KIAA1217: variants seen among roughly 807,000 people sequenced by gnomAD.
The protein encoded by KIAA1217 is sickle tail protein homolog.
KIAA1217 carries 88 observed loss-of-function variants against 163.9 expected under a neutral mutation model. That is an observed-to-expected ratio of 0.54 (90% CI 0.45 to 0.64). The LOEUF (loss-of-function observed/expected upper bound fraction) is 0.64, where lower values mean the gene tolerates loss of function less well. Among genes scored for constraint, KIAA1217 ranks in the 30% least tolerant of loss-of-function variants. KIAA1217 has a pLI of 0.00. For synonymous variants in KIAA1217, 903 were observed against 923.1 expected (o/e 0.98, Z 0.39); for missense variants, 2,372 against 2,475.0 (o/e 0.96, Z 0.88).
At chr10:23,708,990 A>T (rs1837062239) in intron 1 of KIAA1217, among the ~76,000 whole-genome samples, 1 of 152,152 alleles carries the variant, frequency 6.6e-6, no homozygotes, top group East Asian at 1.9e-4. Context: ...GGCTATGCCT[A>T]GGCTGGAGAA....
intron 1 of KIAA1217, among the ~76,000 whole-genome samples, chr10:23,738,030 T>C (rs980092926): frequency 6.6e-6 from 1 of 152,152 alleles, no homozygotes; most frequent in Non-Finnish European, 1.5e-5. Flanking sequence ...CACGTAGATA[T>C]ATATATAAAA....
chr10:24,330,797 T>C (rs1414877897), intron 2 of KIAA1217, among the ~76,000 whole-genome samples: 2 of 151,782 alleles, frequency 1.3e-5, no homozygotes, highest in East Asian at 3.9e-4. Flanking sequence ...TAATTTTTTG[T>C]AGAGATGGGT....
intron 2 of KIAA1217, among the ~76,000 whole-genome samples, chr10:24,127,110 C>T (rs1218004196): frequency 6.6e-6 from 1 of 152,092 alleles, no homozygotes; most frequent in Non-Finnish European, 1.5e-5. Flanking sequence ...CTACTTTGAC[C>T]TTTTGACCTA....
chr10:24,262,898 C>T (rs2075861082), intron 2 of KIAA1217, among the ~76,000 whole-genome samples: 1 of 150,316 alleles, frequency 6.7e-6, no homozygotes, highest in Non-Finnish European at 1.5e-5. Flanking sequence ...TGCAGTGAGC[C>T]AGTATCGCAC....
chr10:23,790,394 TATATACATATATAC>T lies in KIAA1217; in HGVS notation c.-321+95180_-321+95193del, dbSNP rs1379128328. On this transcript the variant is annotated intron_variant, in intron 1 of 18. Coordinates refer to the KIAA1217 transcript ENST00000376462. Reference sequence around the variant, plus strand: ...ATACATATGTATATATACATATGTATATATACATATATACATATACATATATACATATATACATA... The same window carrying T: ...ATACATATGTATATATACATATGTATATATACATATATACATATATACATA... Among the ~76,000 whole-genome samples, 13 of 102,364 alleles carry T rather than the reference TATATACATATATAC, an allele frequency of 1.3e-4. 2 individuals are homozygous for T. Among genetic ancestry groups the T allele is most frequent in the East Asian group, 6.1e-4 (2 of 3,272 alleles). The allele number at this position is 102,364 out of a possible 152,430, so 67.2% of individuals were successfully genotyped here. A position where few individuals can be genotyped will look rare whatever the true frequency, so the allele number is the denominator to read the frequency against.
chr10:24,384,392 C>T (rs1245611249), intron 3 of KIAA1217, among the ~76,000 whole-genome samples: 1 of 152,054 alleles, frequency 6.6e-6, no homozygotes, highest in Non-Finnish European at 1.5e-5. Flanking sequence ...CATGAACAGC[C>T]TCCCCCATGA....
chr10:24,108,246 G>A (rs1035563678), intron 2 of KIAA1217, among the ~76,000 whole-genome samples: 3 of 152,184 alleles, frequency 2.0e-5, no homozygotes, highest in African/African-American at 7.2e-5. Context: ...CTGAGGCAGA[G>A]GCAGAAACTC....
intron 1 of KIAA1217, among the ~76,000 whole-genome samples, chr10:23,948,600 G>T (rs977093921): frequency 1.3e-5 from 2 of 152,226 alleles, no homozygotes; most frequent in South Asian, 4.1e-4. Context: ...CTTATCTGCT[G>T]TGTATTCATT....
chr10:23,955,709 G>A (rs1844531631), intron 1 of KIAA1217, among the ~76,000 whole-genome samples: 1 of 152,134 alleles, frequency 6.6e-6, no homozygotes, highest in Non-Finnish European at 1.5e-5. Context: ...TAATTGCTTG[G>A]AGATTTTATC....
intron 2 of KIAA1217, among the ~76,000 whole-genome samples, chr10:24,032,544 G>T (rs1285703218): frequency 6.6e-6 from 1 of 152,088 alleles, no homozygotes; most frequent in Non-Finnish European, 1.5e-5. Context: ...GCCTCTTCAT[G>T]AGTTTTGTCT....
intron 1 of KIAA1217, among the ~76,000 whole-genome samples, chr10:23,832,213 T>A (rs1218045862): frequency 6.6e-6 from 1 of 152,194 alleles, no homozygotes; most frequent in Non-Finnish European, 1.5e-5. Flanking sequence ...TCCTTGGGTT[T>A]GATTAATTTC....
chr10:24,318,999 G>C (rs2043771138), intron 2 of KIAA1217, among the ~76,000 whole-genome samples: 1 of 152,222 alleles, frequency 6.6e-6, no homozygotes, highest in South Asian at 2.1e-4. Context: ...GTAGTCATGG[G>C]AGTGGATGAG....
chr10:24,149,686 C>T (rs927098517), intron 2 of KIAA1217, among the ~76,000 whole-genome samples: 1 of 151,912 alleles, frequency 6.6e-6, no homozygotes, highest in Non-Finnish European at 1.5e-5. Context: ...AGATCTAGTA[C>T]TCAATAGTAC....
At chr10:24,061,005 T>A (rs1183667903) in intron 2 of KIAA1217, among the ~76,000 whole-genome samples, 1 of 152,216 alleles carries the variant, frequency 6.6e-6, no homozygotes, top group African/African-American at 2.4e-5. Flanking sequence ...TTCTGTCTGG[T>A]TGTTCTATTA....
At chr10:24,364,742 T>TTGCC (rs1214029487) in intron 2 of KIAA1217, among the ~76,000 whole-genome samples, 1 of 152,128 alleles carries the variant, frequency 6.6e-6, no homozygotes, top group Non-Finnish European at 1.5e-5. Context: ...TGTGTTTCTC[T>TTGCC]TGCCTGCCTG....
intron 2 of KIAA1217, among the ~76,000 whole-genome samples, chr10:24,287,089 G>A (rs533467558): frequency 6.6e-6 from 1 of 152,128 alleles, no homozygotes; most frequent in African/African-American, 2.4e-5. Flanking sequence ...TTGCTCTGTC[G>A]CCCAGGCTGG....
In KIAA1217 at chr10:24,349,152, A is replaced by C. The variant is rs220342; in HGVS notation, c.355-31717A>C. 2.4e-3 allele frequency among the ~76,000 whole-genome samples: 342 copies of C among 145,218 alleles called. 3 individuals are homozygous for C. Among genetic ancestry groups the C allele is most frequent in the African/African-American group, 8.0e-3 (318 of 39,552 alleles). On this transcript the variant is annotated intron_variant, in intron 2 of 20. Transcript: ENST00000376454. ...TGTCTCAAAAAAAAAAAAAAAAAAA[A>C]AGAGAGATTGAGATCTGAGATCTCA... is the stretch of plus-strand genomic sequence containing the variant.
At chr10:24,445,283 C>T (rs1358322855) in intron 5 of KIAA1217, among the ~76,000 whole-genome samples, 5 of 152,070 alleles carry the variant, frequency 3.3e-5, no homozygotes, top group Non-Finnish European at 5.9e-5. Context: ...GCCTCCCTTC[C>T]TTGATATTTC....
chr10:24,133,382 G>A (rs942340825), intron 2 of KIAA1217, among the ~76,000 whole-genome samples: 7 of 151,946 alleles, frequency 4.6e-5, no homozygotes, highest in Admixed American at 4.6e-4. Context: ...GACCAACTTG[G>A]ACAACATGGT....
Sources: allele counts gnomAD v4.1 joint callset (sites outside exome capture counted in the v4.1 genomes callset), GRCh38; gene constraint gnomAD v4.1.1; transcripts MANE v1.5; gene names NCBI Gene and HGNC (gene_info 2026-07-23, HGNC 2026-07-21).